The following HAUS7 variants were observed in gnomAD, a reference collection of about 807,000 sequenced individuals.
HAUS7 encodes HAUS augmin-like complex subunit 7.
HAUS7 carries 3 observed loss-of-function variants against 28.4 expected under a neutral mutation model. That is an observed-to-expected ratio of 0.11 (90% CI 0.05 to 0.27). HAUS7 has a LOEUF of 0.27. HAUS7 is among the 10% of genes least tolerant of loss of function. The pLI, the probability that HAUS7 is intolerant of heterozygous loss-of-function variation, is 1.00. For missense variants in HAUS7, 284 were observed against 297.3 expected (o/e 0.96, Z 0.33); for synonymous variants, 165 against 132.1 (o/e 1.25, Z -1.71).
chrX:153,472,105 T>C (rs1435054402), upstream of HAUS7, among the ~76,000 whole-genome samples: 1 of 111,295 alleles, frequency 9.0e-6, no homozygotes, highest in East Asian at 2.8e-4. Flanking sequence ...CACGGCAGTG[T>C]GGCAGCCTCC....
At chrX:153,474,409 C>T (rs781976927), upstream of HAUS7, among the ~76,000 whole-genome samples, 877 of 112,007 alleles carry the variant, frequency 7.8e-3, 4 homozygotes, top group Non-Finnish European at 0.013. Context: ...CCATCACCAT[C>T]GCCTCCAGTG....
intron 3 of HAUS7, 149 bp from the exon 4 acceptor site, chrX:153,462,820 C>A: frequency 2.0e-6 from 1 of 496,087 alleles, no homozygotes; most frequent in Non-Finnish European, 3.6e-6. Flanking sequence ...CCAGCGCTGC[C>A]TCTTGCTGAG....
In HAUS7 at chrX:153,470,571, A is replaced by C. The variant is rs782735224; in HGVS notation, c.-14T>G. The stretch of plus-strand genomic sequence containing the variant: ...CTGCCCCGCCATGTTTCGCGCTCCG[A>C]GCCGCGCCCCGCCCATGCCCTGGCT... On this transcript the variant is annotated 5_prime_UTR_variant, in exon 1 of 10. Coordinates refer to ENST00000370211, the MANE Select transcript of HAUS7 (RefSeq NM_001385482.1). 2 of 1,204,797 alleles carry C rather than the reference A, an allele frequency of 1.7e-6. No homozygotes were observed. The highest frequency in any genetic ancestry group is 2.2e-6 in the Non-Finnish European group (2 of 892,435).
intron 4 of HAUS7, 118 bp from the exon 5 acceptor site, chrX:153,457,346 G>C (rs1222405468): frequency 2.0e-6 from 1 of 505,400 alleles, no homozygotes; most frequent in Admixed American, 3.2e-5. Context: ...GAAAGGAGGG[G>C]CCTGGCCCAT....
intron 3 of HAUS7, among the ~76,000 whole-genome samples, chrX:153,464,272 G>A (rs2089429976): frequency 8.9e-6 from 1 of 112,929 alleles, no homozygotes; most frequent in East Asian, 2.8e-4. Context: ...AATCTGGAAT[G>A]TACCAGACAC....
chrX:153,456,235 C>G, intron 7 of HAUS7, 30 bp downstream of exon 7: 1 of 1,131,087 alleles, frequency 8.8e-7, no homozygotes, highest in Non-Finnish European at 1.2e-6. Flanking sequence ...TGCCTCCAAG[C>G]AACCCCCTCC....
Position 153,491,209 on chromosome X carries a change from C to A in HAUS7, c.-589+4165G>T, listed in dbSNP as rs934006536. 2.7e-5 allele frequency among the ~76,000 whole-genome samples: 3 copies of A among 111,810 alleles called. No homozygotes were observed. In the Admixed American group the frequency reaches 2.8e-4, roughly 11 times the overall value. On this transcript the variant is annotated intron_variant, in intron 1 of 5. Transcript: ENST00000370210. ...ACAAGCAGCCCACCTCTGTAGGGGA[C>A]CCCTGCATAAGAGGCCACCTCCCAG...
Position 153,486,718 on chromosome X carries a change from C to T in HAUS7, c.-589+8656G>A, listed in dbSNP as rs187782780. On this transcript the variant is annotated intron_variant, in intron 1 of 5. Transcript: ENST00000370210. Reference sequence around the variant, plus strand: ...ACACCTGGAGAACAACCTCATTGACCGGCGCCGCATCCCGCCCACTGCCTT... The same window carrying T: ...ACACCTGGAGAACAACCTCATTGACTGGCGCCGCATCCCGCCCACTGCCTT... 51 of 981,112 alleles carry T rather than the reference C, an allele frequency of 5.2e-5. No individual in the cohort carries two copies. In the African/African-American group the frequency reaches 6.0e-4, roughly 12 times the overall value. The allele number at this position is 981,112 out of a possible 1,213,427, so 80.9% of individuals were successfully genotyped here.
intron 1 of HAUS7, chrX:153,482,403 A>G: frequency 1.3e-6 from 1 of 756,471 alleles, no homozygotes; most frequent in Non-Finnish European, 1.6e-6. Context: ...GCCTCCCTGC[A>G]GGAGCTCAAA....
upstream of HAUS7, among the ~76,000 whole-genome samples, chrX:153,474,370 G>A (rs1402886358): frequency 9.0e-6 from 1 of 111,612 alleles, no homozygotes; most frequent in African/African-American, 3.3e-5. Context: ...AGCACATTCC[G>A]CAGCGCAGTC....
upstream of HAUS7, among the ~76,000 whole-genome samples, chrX:153,471,769 G>C (rs908746094): frequency 8.9e-6 from 1 of 111,887 alleles, no homozygotes; most frequent in Non-Finnish European, 1.9e-5. Flanking sequence ...ACTTCACTCC[G>C]TCCTGGGAGG....
chrX:153,457,601 TCTC>T (rs2089331917), intron 4 of HAUS7, among the ~76,000 whole-genome samples: 1 of 113,009 alleles, frequency 8.8e-6, no homozygotes, highest in Non-Finnish European at 1.9e-5. Context: ...CAAGGCCTGT[TCTC>T]CTCCAAGGAT....
At chrX:153,478,725 A>G (rs1556986755) in intron 1 of HAUS7, among the ~76,000 whole-genome samples, 1 of 112,592 alleles carries the variant, frequency 8.9e-6, no homozygotes, top group African/African-American at 3.2e-5. Flanking sequence ...CGGGAGGCAT[A>G]CCCTCGCCGC....
In HAUS7 at chrX:153,456,382, G is replaced by A. The variant is rs782353870; in HGVS notation, c.606-18C>T. The A allele has an allele frequency of 3.4e-5, 40 of 1,190,625 alleles. No homozygotes were observed. In the Admixed American group the frequency reaches 6.6e-4, roughly 20 times the overall value. ...CACTGGCCCTGCAGGGAGAGAAAGG[G>A]AACACTTGCAACTCACCGCTGCCAG... is the stretch of plus-strand genomic sequence containing the variant. On this transcript the variant is annotated intron_variant, in intron 6 of 9. Coordinates refer to ENST00000370211, the MANE Select transcript of HAUS7 (RefSeq NM_001385482.1).
intron 1 of HAUS7, among the ~76,000 whole-genome samples, chrX:153,487,464 T>A (rs1218415223): frequency 9.0e-6 from 1 of 111,309 alleles, no homozygotes; most frequent in Non-Finnish European, 1.9e-5. Flanking sequence ...CCCCTTTGCC[T>A]CTCCCTTGAC....
chrX:153,455,807 C>T (rs1213690535), intron 7 of HAUS7, 41 bp from the exon 8 acceptor site: 1 of 880,194 alleles, frequency 1.1e-6, no homozygotes, highest in East Asian at 3.1e-5. Context: ...CTGCCCTGCC[C>T]ACCAGCCAGG....
chrX:153,491,908 A>G (rs2089673620), intron 1 of HAUS7, among the ~76,000 whole-genome samples: 1 of 112,873 alleles, frequency 8.9e-6, no homozygotes. Flanking sequence ...CTGGCCCTCT[A>G]CAGCCTTTTG....
At chrX:153,480,246 T>C (rs1221905869) in intron 1 of HAUS7, among the ~76,000 whole-genome samples, 1 of 109,003 alleles carries the variant, frequency 9.2e-6, no homozygotes, top group African/African-American at 3.4e-5. Context: ...CTGCTGAAGC[T>C]CCCTGGGCCC....
intron 9 of HAUS7, 111 bp from the exon 10 acceptor site, chrX:153,448,020 T>C: frequency 1.7e-6 from 1 of 594,010 alleles, no homozygotes; most frequent in Non-Finnish European, 2.8e-6. Flanking sequence ...AAATACCATT[T>C]GACCCAGCCA....
Sources: gnomAD v4.1 joint callset for allele counts (sites outside exome capture counted in the v4.1 genomes callset) on GRCh38, gnomAD v4.1.1 for gene constraint, MANE v1.5 for transcripts, NCBI Gene and HGNC (gene_info 2026-07-23, HGNC 2026-07-21) for gene names.